Variants in CCDC33 observed in about 807,000 individuals in gnomAD.
The protein encoded by CCDC33 is coiled-coil domain-containing protein 33.
In CCDC33, 94 loss-of-function variants were observed where a neutral mutation model predicts 91.9. The ratio of observed to expected loss-of-function variants is 1.02; its 90% CI spans 0.87 to 1.21. The LOEUF (loss-of-function observed/expected upper bound fraction) is 1.21, where lower values mean the gene tolerates loss of function less well. CCDC33 is among the 50% of genes most tolerant of loss of function. The pLI is 0.00. For synonymous variants in CCDC33, 396 were observed against 374.5 expected, an observed-to-expected ratio of 1.06 and a Z score of -0.66; for missense variants, 940 against 935.5, an observed-to-expected ratio of 1.00 and a Z score of -0.06.
chr15:74,223,564 T>C (rs116858761), intron 2 of CCDC33, among the ~76,000 whole-genome samples: 2,062 of 151,882 alleles, frequency 0.014, 25 homozygotes, highest in Non-Finnish European at 0.019. Context: ...TTAACTCGAG[T>C]TAGAGACTCT....
chr15:74,236,301 G>C (rs1159285869), upstream of CCDC33: 1 of 173,596 alleles, frequency 5.8e-6, no homozygotes, highest in East Asian at 1.5e-4. Context: ...TGTTGCCCAG[G>C]TGACCCAGCT....
chr15:74,249,685 G>A (rs1426881796), intron 2 of CCDC33, among the ~76,000 whole-genome samples: 1 of 152,082 alleles, frequency 6.6e-6, no homozygotes, highest in Non-Finnish European at 1.5e-5. Context: ...CCGGGGGAGA[G>A]ACCCGTGCAC....
At chr15:74,225,272 G>A (rs1441931434) in intron 2 of CCDC33, among the ~76,000 whole-genome samples, 1 of 152,002 alleles carries the variant, frequency 6.6e-6, no homozygotes, top group Non-Finnish European at 1.5e-5. Flanking sequence ...GAAGGGAAAT[G>A]TGGTGGCCTT....
At chr15:74,242,706 C>T (rs1171230037) in intron 1 of CCDC33, among the ~76,000 whole-genome samples, 1 of 152,136 alleles carries the variant, frequency 6.6e-6, no homozygotes, top group African/African-American at 2.4e-5. Flanking sequence ...GTGAGTCAGC[C>T]AGCCGGCCAG....
At chr15:74,330,494 C>A in intron 12 of CCDC33, 140 bp downstream of exon 12, 2 of 1,137,836 alleles carry the variant, frequency 1.8e-6, no homozygotes, top group Non-Finnish European at 2.5e-6. Context: ...CGCCCACAGA[C>A]ACTCACACAG....
chr15:74,280,721 C>G lies in CCDC33; in HGVS notation c.943C>G (p.Pro315Ala), dbSNP rs1374143498. 3.1e-5 allele frequency: 49 copies of G among 1,571,988 alleles called. No individual in the cohort carries two copies. The highest frequency in any genetic ancestry group is 4.1e-5 in the Non-Finnish European group (48 of 1,158,646). ...LNQPLGISVLPLKSRLYQKML... is the reference protein window; with the variant it reads ...LNQPLGISVLALKSRLYQKML... ...CCAGCCCCTGGGCATCTCTGTGTTG[C>G]CGCTAAAGAGCCGTTTGTACCAGAA... Residue 315 changes from proline (P) to alanine (A), a missense_variant, in exon 9 of 19, where the codon CCG becomes GCG. Coordinates refer to ENST00000398814, the MANE Select transcript of CCDC33 (RefSeq NM_025055.5).
chr15:74,278,397 C>T (rs750027823), intron 7 of CCDC33, among the ~76,000 whole-genome samples: 25 of 152,250 alleles, frequency 1.6e-4, no homozygotes, highest in Admixed American at 1.3e-3. Flanking sequence ...GAGGTGGGAG[C>T]GGCTGCTACT....
chr15:74,246,147 A>G lies in CCDC33; in HGVS notation c.185+1999A>G, dbSNP rs142394273. On this transcript the variant is annotated intron_variant, in intron 2 of 18. Transcript: ENST00000398814. Reference sequence around the variant, plus strand: ...CATGAAAGTTTTCGTTTTGTTCATGATGAATATTTCAATGCTTTTTAAAAA... The same window carrying G: ...CATGAAAGTTTTCGTTTTGTTCATGGTGAATATTTCAATGCTTTTTAAAAA... Among the ~76,000 whole-genome samples, 80 of 152,352 alleles carry G rather than the reference A, an allele frequency of 5.3e-4. 1 individual carries two copies. The highest frequency in any genetic ancestry group is 2.1e-3 in the South Asian group (10 of 4,826).
intron 11 of CCDC33, among the ~76,000 whole-genome samples, chr15:74,310,795 G>A (rs932836742): frequency 6.6e-6 from 1 of 152,182 alleles, no homozygotes; most frequent in African/African-American, 2.4e-5. Flanking sequence ...GGGAGAGTGA[G>A]GTGTGAGAGG....
rs745393579 is a variant in CCDC33 at position 74,247,357 on chromosome 15, C to CAT, written c.185+3223_185+3224dup. Among the ~76,000 whole-genome samples, 696 of 137,788 alleles carry CAT rather than the reference C, an allele frequency of 5.1e-3. 4 individuals are homozygous for CAT. Among genetic ancestry groups the CAT allele is most frequent in the Middle Eastern group, 0.014 (4 of 280 alleles). The allele number at this position is 137,788 out of a possible 152,430, so 90.4% of individuals were successfully genotyped here. A position where few individuals can be genotyped will look rare whatever the true frequency, so the allele number is the denominator to read the frequency against. ...GAATGAATGGATAAAGAAAAAATGTCATATATATATATATACACACACACA... is the reference window on the plus strand; with the variant it reads ...GAATGAATGGATAAAGAAAAAATGTCATATATATATATATATACACACACACA... On this transcript the variant is annotated intron_variant, in intron 2 of 18. Coordinates refer to ENST00000398814, the MANE Select transcript of CCDC33 (RefSeq NM_025055.5).
intron 2 of CCDC33, among the ~76,000 whole-genome samples, chr15:74,224,679 C>T (rs893664792): frequency 1.3e-5 from 2 of 152,136 alleles, no homozygotes; most frequent in Non-Finnish European, 2.9e-5. Flanking sequence ...TCCACTTCCA[C>T]GTCTGTAAAA....
At chr15:74,237,912 C>T (rs560962782) in intron 1 of CCDC33, among the ~76,000 whole-genome samples, 28 of 152,228 alleles carry the variant, frequency 1.8e-4, no homozygotes, top group African/African-American at 6.5e-4. Context: ...TTGGCGAGGC[C>T]GAGGCAGGAG....
upstream of CCDC33, among the ~76,000 whole-genome samples, chr15:74,235,663 A>G (rs934694504): frequency 6.6e-6 from 1 of 152,044 alleles, no homozygotes; most frequent in Non-Finnish European, 1.5e-5. Context: ...CACCAAAAGC[A>G]CTTAGGACCC....
upstream of CCDC33, among the ~76,000 whole-genome samples, chr15:74,232,247 G>A (rs1228191356): frequency 2.0e-5 from 3 of 152,120 alleles, no homozygotes; most frequent in Admixed American, 1.3e-4. Context: ...TATCAGCCAG[G>A]GTCCTGCCAG....
intron 5 of CCDC33, among the ~76,000 whole-genome samples, chr15:74,270,690 C>G (rs149991522): frequency 1.3e-5 from 2 of 151,900 alleles, no homozygotes; most frequent in South Asian, 4.2e-4. Context: ...GGTCAGGGTC[C>G]GGGAGATCAG....
intron 5 of CCDC33, among the ~76,000 whole-genome samples, chr15:74,269,032 A>G (rs2076245487): frequency 6.6e-6 from 1 of 152,228 alleles, no homozygotes; most frequent in Non-Finnish European, 1.5e-5. Flanking sequence ...ATTAGCCAGG[A>G]CAGGGCTGAG....
chr15:74,234,012 C>T (rs937208853), upstream of CCDC33, among the ~76,000 whole-genome samples: 5 of 152,138 alleles, frequency 3.3e-5, no homozygotes, highest in Non-Finnish European at 7.4e-5. Flanking sequence ...GGTAGTTTGT[C>T]CTCACAGGCT....
intron 2 of CCDC33, among the ~76,000 whole-genome samples, chr15:74,225,117 CGTGTGTGTGTGT>C (rs3057568): frequency 9.3e-5 from 13 of 139,940 alleles, no homozygotes; most frequent in South Asian, 4.8e-4. Context: ...CTCCTGGAGG[CGTGTGTGTGTGT>C]GTGTGTGTGT....
At chr15:74,227,635 A>G (rs1567216529) in intron 2 of CCDC33, among the ~76,000 whole-genome samples, 1 of 152,208 alleles carries the variant, frequency 6.6e-6, no homozygotes, top group Non-Finnish European at 1.5e-5. Context: ...CTTAGAAAAA[A>G]GTGTTGCATA....
Sources: allele counts gnomAD v4.1 joint callset (sites outside exome capture counted in the v4.1 genomes callset), GRCh38; gene constraint gnomAD v4.1.1; transcripts MANE v1.5; gene names NCBI Gene and HGNC (gene_info 2026-07-23, HGNC 2026-07-21).